Variants in ULK4 observed in about 807,000 individuals in gnomAD.
The protein encoded by ULK4 is inactive serine/threonine-protein kinase ULK4.
Under a neutral mutation model 160.6 loss-of-function variants are expected in ULK4, and 133 were observed. The ratio of observed to expected loss-of-function variants is 0.83; its 90% CI spans 0.72 to 0.96. The LOEUF is 0.96. Ranked by LOEUF, ULK4 falls within the 40% of genes least tolerant of loss-of-function variation. The pLI, the probability that ULK4 is intolerant of heterozygous loss-of-function variation, is 0.00. For synonymous variants in ULK4, 534 were observed against 539.8 expected (o/e 0.99, Z 0.15); for missense variants, 1,580 against 1,499.5 (o/e 1.05, Z -0.89).
intron 30 of ULK4, among the ~76,000 whole-genome samples, chr3:41,657,586 G>A (rs2034985021): frequency 6.6e-6 from 1 of 151,946 alleles, no homozygotes; most frequent in South Asian, 2.1e-4. Flanking sequence ...TTAAGAGGCC[G>A]AGGTGGGTGG....
intron 17 of ULK4, among the ~76,000 whole-genome samples, chr3:41,865,729 T>A (rs982555282): frequency 1.8e-4 from 27 of 152,220 alleles, no homozygotes; most frequent in Admixed American, 1.4e-3. Flanking sequence ...TACCAAAAAA[T>A]TTTTTTAAAT....
In ULK4 at chr3:41,901,417, T is replaced by C. The variant is rs565123477; in HGVS notation, c.1183-588A>G. 4.0e-5 allele frequency among the ~76,000 whole-genome samples: 6 copies of C among 148,868 alleles called. No individual in the cohort carries two copies. In the South Asian group the frequency reaches 1.1e-3, roughly 26 times the overall value. On this transcript the variant is annotated intron_variant, in intron 12 of 36. Coordinates refer to ENST00000301831, the MANE Select transcript of ULK4 (RefSeq NM_017886.4). ...GGATGGTCTCAATCTCCTGACCTCA[T>C]GATCCACCTGCCTCGGCCTCCCAAA...
chr3:41,813,287 A>T (rs2040869681), intron 19 of ULK4, among the ~76,000 whole-genome samples: 1 of 152,202 alleles, frequency 6.6e-6, no homozygotes, highest in Non-Finnish European at 1.5e-5. Flanking sequence ...CACATACCCT[A>T]GAACTTAAAA....
intron 31 of ULK4, among the ~76,000 whole-genome samples, chr3:41,573,435 C>G (rs1310639929): frequency 6.6e-6 from 1 of 152,154 alleles, no homozygotes; most frequent in Non-Finnish European, 1.5e-5. Context: ...CTTCAGATGT[C>G]TGGATTAAAA....
intron 27 of ULK4, among the ~76,000 whole-genome samples, chr3:41,696,547 G>C (rs188535986): frequency 2.0e-5 from 3 of 151,652 alleles, no homozygotes; most frequent in African/African-American, 7.3e-5. Context: ...ACTGGTCTCC[G>C]CATCTTGGTG....
intron 30 of ULK4, among the ~76,000 whole-genome samples, chr3:41,628,234 T>C (rs989711040): frequency 2.0e-5 from 3 of 152,176 alleles, no homozygotes; most frequent in Non-Finnish European, 4.4e-5. Context: ...TTCTGTTGGC[T>C]CTAATGATAA....
chr3:41,889,934 A>C (rs1353761884), intron 16 of ULK4, among the ~76,000 whole-genome samples: 6 of 152,258 alleles, frequency 3.9e-5, no homozygotes, highest in Non-Finnish European at 7.3e-5. Context: ...AAAAGAATGA[A>C]GTATTCACAC....
chr3:41,961,388 C>T (rs1353864306), intron 1 of ULK4, among the ~76,000 whole-genome samples: 1 of 152,164 alleles, frequency 6.6e-6, no homozygotes, highest in Non-Finnish European at 1.5e-5. Flanking sequence ...TACTACACGC[C>T]CTGGGGTGAC....
Position 41,954,774 on chromosome 3 carries a change from C to G in ULK4, c.-15G>C, listed in dbSNP as rs1700428041. The G allele has an allele frequency of 6.2e-7, 1 of 1,604,376 alleles. No individual in the cohort carries two copies. The highest frequency in any genetic ancestry group is 1.3e-5 in the African/African-American group (1 of 74,624). ...AAGTTTTCCATCTCTGGGCCGACTTCTCACATACAATAGAATAACAGCATC... is the reference window on the plus strand; with the variant it reads ...AAGTTTTCCATCTCTGGGCCGACTTGTCACATACAATAGAATAACAGCATC... On this transcript the variant is annotated 5_prime_UTR_variant, in exon 2 of 37. Coordinates refer to ENST00000301831, the MANE Select transcript of ULK4 (RefSeq NM_017886.4).
rs577741562 is a variant in ULK4 at position 41,321,833 on chromosome 3, A to C, written c.3679-72259T>G. ...CACTCTGTGCCTGCGGCCCCTCCCA[A>C]GTGTTGGCAGGCCACTGTGCATGCG... On this transcript the variant is annotated intron_variant, in intron 35 of 36. Transcript: ENST00000301831. 2.8e-5 allele frequency among the ~76,000 whole-genome samples: 4 copies of C among 144,000 alleles called. 1 individual carries two copies. Among genetic ancestry groups the C allele is most frequent in the African/African-American group, 1.1e-4 (4 of 36,854 alleles). The allele number at this position is 144,000 out of a possible 152,430, so 94.5% of individuals were successfully genotyped here. A position where few individuals can be genotyped will look rare whatever the true frequency, so the allele number is the denominator to read the frequency against.
At chr3:41,932,223 T>C (rs1285147743) in intron 4 of ULK4, among the ~76,000 whole-genome samples, 1 of 152,244 alleles carries the variant, frequency 6.6e-6, no homozygotes, top group Non-Finnish European at 1.5e-5. Context: ...CTCAGATGTA[T>C]ATAATGAACA....
chr3:41,930,248 T>C (rs1329856260), intron 5 of ULK4, among the ~76,000 whole-genome samples: 1 of 116,512 alleles, frequency 8.6e-6, no homozygotes, highest in Non-Finnish European at 2.0e-5. Context: ...TCCTATTTAA[T>C]AGGAAATCCT....
At chr3:41,740,006 A>C (rs907113230) in intron 22 of ULK4, among the ~76,000 whole-genome samples, 2 of 151,842 alleles carry the variant, frequency 1.3e-5, no homozygotes, top group Non-Finnish European at 2.9e-5. Flanking sequence ...GAAGATATAA[A>C]ATTTTCTAAT....
intron 22 of ULK4, among the ~76,000 whole-genome samples, chr3:41,721,006 T>C (rs2037434769): frequency 6.6e-6 from 1 of 152,008 alleles, no homozygotes. Context: ...GGTACATAAT[T>C]AGAATGCGGC....
At chr3:41,465,049 G>T (rs1412424270) in intron 32 of ULK4, among the ~76,000 whole-genome samples, 3 of 152,168 alleles carry the variant, frequency 2.0e-5, no homozygotes, top group Non-Finnish European at 2.9e-5. Flanking sequence ...CCAAGGGAAG[G>T]TTCTCAGATA....
chr3:41,800,327 T>C lies in ULK4; in HGVS notation c.1849-34A>G, dbSNP rs777923519. ...AAAGGAGATTAAAATAATATTAGTG[T>C]GAGAAATAAATACATGTTATTTCTT... is the stretch of plus-strand genomic sequence containing the variant. On this transcript the variant is annotated intron_variant, in intron 19 of 36. Transcript: ENST00000301831. 7.1e-6 allele frequency: 11 copies of C among 1,558,346 alleles called. No homozygotes were observed. In the Admixed American group the frequency reaches 1.3e-4, roughly 19 times the overall value.
chr3:41,758,071 G>A (rs1468939224), intron 21 of ULK4, among the ~76,000 whole-genome samples: 1 of 152,118 alleles, frequency 6.6e-6, no homozygotes, highest in Non-Finnish European at 1.5e-5. Context: ...TCATGAATGA[G>A]GTTGGTACCC....
chr3:41,622,508 C>T (rs1040331717), intron 30 of ULK4, among the ~76,000 whole-genome samples: 39 of 151,476 alleles, frequency 2.6e-4, no homozygotes, highest in Non-Finnish European at 4.9e-4. Context: ...GAAAACTAAA[C>T]GCTGCATGTT....
At chr3:41,697,620 G>A (rs1026027648) in intron 27 of ULK4, among the ~76,000 whole-genome samples, 1 of 151,848 alleles carries the variant, frequency 6.6e-6, no homozygotes, top group African/African-American at 2.4e-5. Context: ...TTTTTCTACA[G>A]GCATGCATCA....
Sources: gnomAD v4.1 joint callset for allele counts (sites outside exome capture counted in the v4.1 genomes callset) on GRCh38, gnomAD v4.1.1 for gene constraint, MANE v1.5 for transcripts, NCBI Gene and HGNC (gene_info 2026-07-23, HGNC 2026-07-21) for gene names.